Variants in DLGAP1 observed in about 807,000 individuals in gnomAD.
The protein encoded by DLGAP1 is DLG associated protein 1, also known as disks large-associated protein 1.
DLGAP1 carries 11 observed loss-of-function variants against 90.8 expected under a neutral mutation model. That is an observed-to-expected ratio of 0.12 (90% CI 0.08 to 0.20). The LOEUF (loss-of-function observed/expected upper bound fraction) is 0.20. Ranked by LOEUF, DLGAP1 falls within the 10% of genes least tolerant of loss-of-function variation. The pLI is 1.00. For synonymous variants in DLGAP1, 558 were observed against 540.7 expected (o/e 1.03, Z -0.44); for missense variants, 1,050 against 1,333.8 (o/e 0.79, Z 3.31).
intron 7 of DLGAP1, among the ~76,000 whole-genome samples, chr18:3,614,166 C>T (rs957487838): frequency 6.7e-5 from 10 of 148,180 alleles, no homozygotes; most frequent in African/African-American, 1.0e-4. Flanking sequence ...GCAATCCGCC[C>T]GCCTCGGCCT....
At chr18:4,223,214 A>G (rs981523949) in intron 1 of DLGAP1, among the ~76,000 whole-genome samples, 19 of 152,174 alleles carry the variant, frequency 1.2e-4, no homozygotes, top group Admixed American at 6.5e-4. Flanking sequence ...TGACCTTTAA[A>G]TTAATATTTA....
At chr18:3,612,127 G>A (rs947170718) in intron 7 of DLGAP1, among the ~76,000 whole-genome samples, 4 of 152,220 alleles carry the variant, frequency 2.6e-5, no homozygotes, top group Admixed American at 6.5e-5. Flanking sequence ...AGGCTGAGGT[G>A]GGATGATTGA....
At chr18:4,140,329 C>T (rs28759755) in intron 2 of DLGAP1, among the ~76,000 whole-genome samples, 6,163 of 151,452 alleles carry the variant, frequency 0.041, 424 homozygotes, top group African/African-American at 0.14. Context: ...ATCTTGTAAC[C>T]CATTATTTTA....
intron 1 of DLGAP1, among the ~76,000 whole-genome samples, chr18:4,221,708 T>A (rs1190625396): frequency 6.6e-6 from 1 of 152,132 alleles, no homozygotes; most frequent in Non-Finnish European, 1.5e-5. Flanking sequence ...ATTTTAAAGG[T>A]ATTTTTTACT....
intron 1 of DLGAP1, among the ~76,000 whole-genome samples, chr18:4,430,400 A>G (rs775763415): frequency 6.6e-6 from 1 of 152,068 alleles, no homozygotes; most frequent in Non-Finnish European, 1.5e-5. Flanking sequence ...GACCTTGGAC[A>G]TGTTACTTAA....
intron 1 of DLGAP1, among the ~76,000 whole-genome samples, chr18:4,368,406 G>A (rs2081827631): frequency 6.6e-6 from 1 of 152,094 alleles, no homozygotes; most frequent in Admixed American, 6.6e-5. Context: ...ACTGAGTAAA[G>A]CAGATTACTC....
chr18:3,886,901 C>T (rs905849508), intron 3 of DLGAP1, among the ~76,000 whole-genome samples: 8 of 152,128 alleles, frequency 5.3e-5, no homozygotes, highest in Middle Eastern at 3.2e-3. Context: ...CTGGCTGGAA[C>T]GCAGCTGTGG....
intron 7 of DLGAP1, among the ~76,000 whole-genome samples, chr18:3,646,104 T>TA (rs1259259476): frequency 1.3e-5 from 2 of 152,134 alleles, no homozygotes; most frequent in Non-Finnish European, 2.9e-5. Flanking sequence ...ACAATATTTT[T>TA]AAAAAAGGAG....
At chr18:4,205,501 T>C (rs2077703213) in intron 1 of DLGAP1, among the ~76,000 whole-genome samples, 1 of 152,208 alleles carries the variant, frequency 6.6e-6, no homozygotes, top group African/African-American at 2.4e-5. Context: ...TTTCTTTCCT[T>C]TCTCTTTTTG....
chr18:4,029,665 G>A (rs1333361747), intron 2 of DLGAP1, among the ~76,000 whole-genome samples: 1 of 152,144 alleles, frequency 6.6e-6, no homozygotes, highest in African/African-American at 2.4e-5. Context: ...TAATGCCTAC[G>A]TTTCCTAATT....
chr18:4,207,380 A>G (rs1568451073), intron 1 of DLGAP1, among the ~76,000 whole-genome samples: 1 of 152,168 alleles, frequency 6.6e-6, no homozygotes, highest in African/African-American at 2.4e-5. Context: ...CCCATGATTC[A>G]ATTATCTCCA....
intron 9 of DLGAP1, among the ~76,000 whole-genome samples, chr18:3,538,135 A>C (rs899931584): frequency 6.6e-6 from 1 of 152,232 alleles, no homozygotes. Context: ...AAAAAGGAAG[A>C]GTCATCTCAA....
chr18:4,395,320 G>C (rs1354572042), intron 1 of DLGAP1, among the ~76,000 whole-genome samples: 1 of 152,096 alleles, frequency 6.6e-6, no homozygotes, highest in Admixed American at 6.6e-5. Flanking sequence ...AAACATTGGG[G>C]AGGTAAGTAT....
At chr18:4,267,334 T>C (rs943027528) in intron 1 of DLGAP1, among the ~76,000 whole-genome samples, 3 of 152,204 alleles carry the variant, frequency 2.0e-5, no homozygotes, top group Non-Finnish European at 4.4e-5. Context: ...ATAAATGGAC[T>C]ATCAATGGGA....
At chr18:4,143,034 G>GCCA (rs1286069691) in intron 2 of DLGAP1, among the ~76,000 whole-genome samples, 1 of 152,144 alleles carries the variant, frequency 6.6e-6, no homozygotes, top group Non-Finnish European at 1.5e-5. Flanking sequence ...ACCTGTGGCC[G>GCCA]CCACCACCAC....
At chr18:4,283,476 A>G (rs1472553860) in intron 1 of DLGAP1, among the ~76,000 whole-genome samples, 1 of 152,194 alleles carries the variant, frequency 6.6e-6, no homozygotes, top group East Asian at 1.9e-4. Context: ...AGGGCCCTGT[A>G]AGATATACAT....
rs532859493 is a variant in DLGAP1 at position 4,037,355 on chromosome 18, T to G, written c.-158-32154A>C. 6.6e-5 allele frequency among the ~76,000 whole-genome samples: 10 copies of G among 152,320 alleles called. 1 individual carries two copies. Among genetic ancestry groups the G allele is most frequent in the African/African-American group, 1.9e-4 (8 of 41,580 alleles). On this transcript the variant is annotated intron_variant, in intron 2 of 12. Coordinates refer to ENST00000315677, the MANE Select transcript of DLGAP1 (RefSeq NM_004746.4). ...AAAAGTGGAGAAGGTGATAGCCATT[T>G]TTTCAATTCATGCACATAACCAGTG...
rs928231721 is a variant in DLGAP1 at position 4,301,186 on chromosome 18, T to A, written c.-266-149899A>T. ...TTTGAAATGTACAATACATTATTTT[T>A]AATTATATTCACGATGCTATGCAAT... On this transcript the variant is annotated intron_variant, in intron 1 of 12. Coordinates refer to ENST00000315677, the MANE Select transcript of DLGAP1 (RefSeq NM_004746.4). Among the ~76,000 whole-genome samples, 6 of 152,262 alleles carry A rather than the reference T, an allele frequency of 3.9e-5. 1 individual carries two copies. Among genetic ancestry groups the A allele is most frequent in the Admixed American group, 3.3e-4 (5 of 15,290 alleles).
chr18:3,669,923 T>C (rs1047011191), intron 7 of DLGAP1, among the ~76,000 whole-genome samples: 2 of 152,102 alleles, frequency 1.3e-5, no homozygotes, highest in African/African-American at 2.4e-5. Flanking sequence ...GCTGTAAACA[T>C]TCACCCCTAG....
Sources: gnomAD v4.1 joint callset for allele counts (sites outside exome capture counted in the v4.1 genomes callset) on GRCh38, gnomAD v4.1.1 for gene constraint, MANE v1.5 for transcripts, NCBI Gene and HGNC (gene_info 2026-07-23, HGNC 2026-07-21) for gene names.